TMEM132D: variants seen among roughly 807,000 people sequenced by gnomAD.
TMEM132D encodes the protein transmembrane protein 132D, also known as mature OL transmembrane protein.
In TMEM132D, 21 loss-of-function variants were observed where a neutral mutation model predicts 62.3. That is an observed-to-expected ratio of 0.34 (90% CI 0.24 to 0.49). The LOEUF (loss-of-function observed/expected upper bound fraction) is 0.49. Ranked by LOEUF, TMEM132D falls within the 20% of genes least tolerant of loss-of-function variation. The probability of loss-of-function intolerance (pLI) is 0.99; values close to 1 mark genes in which losing one functional copy is unlikely to be tolerated. For synonymous variants in TMEM132D, 621 were observed against 575.6 expected (o/e 1.08, Z -1.13); for missense variants, 1,346 against 1,402.8 (o/e 0.96, Z 0.65).
At chr12:129,900,648 A>T (rs192817048) in intron 1 of TMEM132D, among the ~76,000 whole-genome samples, 3 of 152,136 alleles carry the variant, frequency 2.0e-5, no homozygotes, top group African/African-American at 7.2e-5. Context: ...GCCCAACTCC[A>T]ATCTCCTCAC....
At chr12:129,350,790 C>T (rs1869839003) in intron 3 of TMEM132D, among the ~76,000 whole-genome samples, 2 of 152,180 alleles carry the variant, frequency 1.3e-5, no homozygotes, top group Non-Finnish European at 2.9e-5. Context: ...TCCCTCTTTT[C>T]CCATGTATCA....
intron 4 of TMEM132D, among the ~76,000 whole-genome samples, chr12:129,317,138 A>C (rs917737037): frequency 6.6e-6 from 1 of 152,198 alleles, no homozygotes. Flanking sequence ...TTAGCATTGA[A>C]ATGTGAGGTA....
chr12:129,556,492 T>C (rs900410830), intron 2 of TMEM132D, among the ~76,000 whole-genome samples: 3 of 151,800 alleles, frequency 2.0e-5, no homozygotes, highest in African/African-American at 4.8e-5. Context: ...AGAGGTGTTT[T>C]AGTGAGAAGC....
intron 2 of TMEM132D, among the ~76,000 whole-genome samples, chr12:129,612,139 C>G (rs1878792697): frequency 6.6e-6 from 1 of 152,146 alleles, no homozygotes; most frequent in Non-Finnish European, 1.5e-5. Context: ...CACAGCAGAC[C>G]ATGGGCTGTA....
At chr12:129,762,472 A>G (rs7132416) in intron 1 of TMEM132D, among the ~76,000 whole-genome samples, 46,721 of 151,872 alleles carry the variant, frequency 0.31, 7,147 homozygotes, top group South Asian at 0.41. Flanking sequence ...GATGTTTCAA[A>G]TCCCTGTTCT....
chr12:129,226,581 G>T lies in TMEM132D; in HGVS notation c.1300-16918C>A, dbSNP rs1026122483. 5.9e-5 allele frequency among the ~76,000 whole-genome samples: 9 copies of T among 152,344 alleles called. No individual in the cohort carries two copies. In the South Asian group the frequency reaches 1.9e-3, roughly 32 times the overall value. On this transcript the variant is annotated intron_variant, in intron 4 of 8. Coordinates refer to ENST00000422113, the MANE Select transcript of TMEM132D (RefSeq NM_133448.3). ...GGACCTCACACCTAAGCCAGAGGGC[G>T]AAGTGACAGCTCCAGGTAATTGCTG...
At chr12:129,724,742 C>T (rs937224467) in intron 1 of TMEM132D, among the ~76,000 whole-genome samples, 1 of 152,042 alleles carries the variant, frequency 6.6e-6, no homozygotes, top group Non-Finnish European at 1.5e-5. Context: ...AGGCTGCTCT[C>T]GAACTCCTGA....
At chr12:129,776,686 T>A (rs534776180) in intron 1 of TMEM132D, among the ~76,000 whole-genome samples, 13 of 82,622 alleles carry the variant, frequency 1.6e-4, no homozygotes, top group Non-Finnish European at 6.4e-5. Context: ...AACGAAAGAC[T>A]GTGTTCCTTA....
At chr12:129,144,777 A>G (rs1410067035) in intron 5 of TMEM132D, among the ~76,000 whole-genome samples, 2 of 151,912 alleles carry the variant, frequency 1.3e-5, no homozygotes, top group African/African-American at 2.4e-5. Context: ...ATCCAGCTCT[A>G]TCTACCTAAC....
At chr12:129,157,471 T>C (rs963754782) in intron 5 of TMEM132D, among the ~76,000 whole-genome samples, 8 of 152,268 alleles carry the variant, frequency 5.3e-5, no homozygotes, top group African/African-American at 1.9e-4. Flanking sequence ...ATCATCATTA[T>C]GGACATAAAA....
At chr12:129,102,187 G>C (rs1875331843) in intron 5 of TMEM132D, among the ~76,000 whole-genome samples, 1 of 152,164 alleles carries the variant, frequency 6.6e-6, no homozygotes, top group African/African-American at 2.4e-5. Context: ...AAGTAAACGA[G>C]GCTGCATTCA....
chr12:129,633,482 T>G (rs1360067382), intron 2 of TMEM132D, among the ~76,000 whole-genome samples: 1 of 152,210 alleles, frequency 6.6e-6, no homozygotes, highest in Non-Finnish European at 1.5e-5. Flanking sequence ...AAATTGAGCC[T>G]ACTAAGGGTT....
At chr12:129,098,396 C>T (rs1045831775) in intron 5 of TMEM132D, among the ~76,000 whole-genome samples, 1 of 152,220 alleles carries the variant, frequency 6.6e-6, no homozygotes, top group Admixed American at 6.5e-5. Context: ...GATCACAGAG[C>T]TTGCATTCTC....
At chr12:129,210,775 G>A (rs529139695) in intron 4 of TMEM132D, among the ~76,000 whole-genome samples, 5 of 152,258 alleles carry the variant, frequency 3.3e-5, no homozygotes, top group South Asian at 4.1e-4. Context: ...ACTCAACAGG[G>A]AAAGGACTGG....
rs535391991 is a variant in TMEM132D, at chr12:129,459,965, C to T, written c.1115+71094G>A. Among the ~76,000 whole-genome samples, 8 of 152,314 alleles carry T rather than the reference C, an allele frequency of 5.3e-5. No homozygotes were observed. In the East Asian group the frequency reaches 1.4e-3, roughly 26 times the overall value. On this transcript the variant is annotated intron_variant, in intron 3 of 8. Transcript: ENST00000422113. ...AATTGCCAATTTAGGGACTTACTTGCTTCCAAGGTGTGTTATTTTTGATAC... is the reference window on the plus strand; with the variant it reads ...AATTGCCAATTTAGGGACTTACTTGTTTCCAAGGTGTGTTATTTTTGATAC...
chr12:129,780,108 C>T lies in TMEM132D; in HGVS notation c.80-79410G>A, dbSNP rs762743372. ...CTAAGACGCTTCTCCCACACCCACC[C>T]GCAAAGGGGCATTCAGATGTGTCTC... On this transcript the variant is annotated intron_variant, in intron 1 of 8. Transcript: ENST00000422113. Among the ~76,000 whole-genome samples, 13 of 152,184 alleles carry T rather than the reference C, an allele frequency of 8.5e-5. No homozygotes were observed. In the East Asian group the frequency reaches 1.2e-3, roughly 14 times the overall value.
At chr12:129,741,022 ATT>A (rs1869589477) in intron 1 of TMEM132D, among the ~76,000 whole-genome samples, 1 of 152,136 alleles carries the variant, frequency 6.6e-6, no homozygotes, top group African/African-American at 2.4e-5. Context: ...GGAAATTATG[ATT>A]TGTGTCATTT....
At chr12:129,450,722 T>C (rs1873247532) in intron 3 of TMEM132D, among the ~76,000 whole-genome samples, 1 of 151,366 alleles carries the variant, frequency 6.6e-6, no homozygotes. Context: ...CAGAAGGTCA[T>C]TTCAGCAACC....
At chr12:129,419,066 A>G (rs1468352927) in intron 3 of TMEM132D, among the ~76,000 whole-genome samples, 1 of 152,186 alleles carries the variant, frequency 6.6e-6, no homozygotes, top group African/African-American at 2.4e-5. Flanking sequence ...TAGTTTTCAG[A>G]ACAGTGAGAC....
Sources: gnomAD v4.1 joint callset for allele counts (sites outside exome capture counted in the v4.1 genomes callset) on GRCh38, gnomAD v4.1.1 for gene constraint, MANE v1.5 for transcripts, NCBI Gene and HGNC (gene_info 2026-07-23, HGNC 2026-07-21) for gene names.